The following WAC variants were observed in gnomAD, a reference collection of about 807,000 sequenced individuals.
The protein encoded by WAC is WW domain-containing adapter protein with coiled-coil.
In WAC, 11 loss-of-function variants were observed where a neutral mutation model predicts 79.6. The observed-to-expected ratio is 0.14, with a 90% CI of 0.09 to 0.23. The LOEUF is 0.23. WAC is among the 10% of genes least tolerant of loss of function. The pLI is 1.00. For missense variants in WAC, 728 were observed against 773.5 expected (o/e 0.94, Z 0.70); for synonymous variants, 304 against 276.9 (o/e 1.10, Z -0.97).
rs332181 is a variant in WAC at position 28,621,187 on chromosome 10, C to G, written c.*1581C>G. The G allele has an allele frequency of 7.0e-6, 1 of 142,400 alleles. No homozygotes were observed. The highest frequency in any genetic ancestry group is 1.5e-5 in the Non-Finnish European group (1 of 66,566). The allele number at this position is 142,400 out of a possible 1,614,324, so 8.8% of individuals were successfully genotyped here. A position where few individuals can be genotyped will look rare whatever the true frequency, so the allele number is the denominator to read the frequency against. On this transcript the variant is annotated 3_prime_UTR_variant, in exon 14 of 14. Transcript: ENST00000354911. The stretch of plus-strand genomic sequence containing the variant: ...GTTTCTTCTTCTTCTTCTTTTTTTT[C>G]TTTAAATTGGTTTAGGGTTTTTTGG...
rs1384802738 is a variant in WAC at position 28,534,268 on chromosome 10, G to C, written c.78+234G>C. On this transcript the variant is annotated intron_variant, in intron 2 of 13. Transcript: ENST00000354911. ...GGGAGTTCGCTGATTTAGGAAAAAA[G>C]AATCATTTGCAGCCAGAAAGACCTG... 5 of 439,766 alleles carry C rather than the reference G, an allele frequency of 1.1e-5. No individual in the cohort carries two copies. The South Asian group carries it at 2.7e-4, about 24-fold the overall frequency. The allele number at this position is 439,766 out of a possible 1,614,324, so 27.2% of individuals were successfully genotyped here.
Position 28,533,889 on chromosome 10 carries a change from G to C in WAC, c.42-109G>C, listed in dbSNP as rs1056751878. The C allele has an allele frequency of 3.3e-5, 45 of 1,373,234 alleles. No homozygotes were observed. The African/African-American group carries it at 6.2e-4, about 19-fold the overall frequency. The allele number at this position is 1,373,234 out of a possible 1,614,324, so 85.1% of individuals were successfully genotyped here. A position where few individuals can be genotyped will look rare whatever the true frequency, so the allele number is the denominator to read the frequency against. On this transcript the variant is annotated intron_variant, in intron 1 of 13. Coordinates refer to ENST00000354911, the MANE Select transcript of WAC (RefSeq NM_016628.5). ...TGCGTGCGGGGCTCGGCGCTGGGGC[G>C]CTCGGTAGGTCTCCCGCGGGGAGGG...
In WAC at chr10:28,620,278, A is replaced by T. The variant is rs539843539; in HGVS notation, c.*672A>T. 4 of 152,624 alleles carry T rather than the reference A, an allele frequency of 2.6e-5. No homozygotes were observed. The East Asian group carries it at 7.7e-4, about 29-fold the overall frequency. The allele number at this position is 152,624 out of a possible 1,614,324, so 9.5% of individuals were successfully genotyped here. ...ACTGTTGCTATGGCACTTTTCTATA[A>T]CCTTTTCATTCCTGTGTACAGTAGC... On this transcript the variant is annotated 3_prime_UTR_variant, in exon 14 of 14. Coordinates refer to ENST00000354911, the MANE Select transcript of WAC (RefSeq NM_016628.5).
intron 9 of WAC, chr10:28,611,394 C>T (rs1217537261): frequency 7.7e-7 from 1 of 1,302,134 alleles, no homozygotes; most frequent in East Asian, 5.4e-5. Flanking sequence ...TGCAAAGACT[C>T]TTGCAACCCT....
rs1836620878 is a variant in WAC, at chr10:28,535,764, ATCTT to A, written c.274+12_274+15del. 4 of 1,593,302 alleles carry A rather than the reference ATCTT, an allele frequency of 2.5e-6. No individual in the cohort carries two copies. The highest frequency in any genetic ancestry group is 4.5e-5 in the East Asian group (2 of 44,058). On this transcript the variant is annotated splice_region_variant and intron_variant, in intron 3 of 13. Coordinates refer to ENST00000354911, the MANE Select transcript of WAC (RefSeq NM_016628.5). The stretch of plus-strand genomic sequence containing the variant: ...GTTAGAGAGAGGGATGGTGGTGAGT[ATCTT>A]TCTTGTTGAAACTTTGACATACAGT...
chr10:28,545,672 T>G (rs1176812762), intron 3 of WAC, among the ~76,000 whole-genome samples: 2 of 152,180 alleles, frequency 1.3e-5, no homozygotes, highest in Non-Finnish European at 2.9e-5. Flanking sequence ...TGTTCTTGTT[T>G]TAAAGAATTC....
At chr10:28,570,483 T>C (rs538455952) in intron 3 of WAC, among the ~76,000 whole-genome samples, 1 of 152,232 alleles carries the variant, frequency 6.6e-6, no homozygotes, top group African/African-American at 2.4e-5. Flanking sequence ...CCAGAGGGTC[T>C]AAGAACAGAC....
intron 8 of WAC, among the ~76,000 whole-genome samples, chr10:28,608,882 A>G (rs1386629757): frequency 1.3e-5 from 2 of 152,224 alleles, no homozygotes; most frequent in Non-Finnish European, 2.9e-5. Flanking sequence ...AATACTTTCA[A>G]AAAATTCTGA....
intron 10 of WAC, among the ~76,000 whole-genome samples, chr10:28,614,348 C>T (rs1213202724): frequency 6.6e-6 from 1 of 152,214 alleles, no homozygotes; most frequent in Non-Finnish European, 1.5e-5. Flanking sequence ...CCGCCTCGGC[C>T]TCCCAAAGTG....
chr10:28,598,757 C>T (rs1326180890), intron 7 of WAC, among the ~76,000 whole-genome samples: 2 of 152,156 alleles, frequency 1.3e-5, no homozygotes, highest in African/African-American at 2.4e-5. Context: ...TATGTCAGTT[C>T]GGACGCTCGT....
chr10:28,566,563 C>T (rs1229808206), intron 3 of WAC, among the ~76,000 whole-genome samples: 2 of 152,134 alleles, frequency 1.3e-5, no homozygotes, highest in Non-Finnish European at 2.9e-5. Flanking sequence ...CTGTAGTTTC[C>T]TCTCCCCCAG....
At position 28,534,042 on chromosome 10, in the gene WAC, C is replaced by G; in HGVS notation, c.78+8C>G. ...GACTCGCAGCCTTACCAGGTACCAGCCGAGGCCGGGGTGGAGGGATTGGAA... is the reference window on the plus strand; with the variant it reads ...GACTCGCAGCCTTACCAGGTACCAGGCGAGGCCGGGGTGGAGGGATTGGAA... On this transcript the variant is annotated splice_region_variant and intron_variant, in intron 2 of 13. Transcript: ENST00000354911. 6.3e-7 allele frequency: 1 copy of G among 1,578,504 alleles called. No homozygotes were observed. The highest frequency in any genetic ancestry group is 8.6e-7 in the Non-Finnish European group (1 of 1,164,366).
At chr10:28,541,534 AGTTATTTG>A (rs1297189054) in intron 3 of WAC, among the ~76,000 whole-genome samples, 1 of 147,836 alleles carries the variant, frequency 6.8e-6, no homozygotes, top group Non-Finnish European at 1.5e-5. Flanking sequence ...TGGCAAAATC[AGTTATTTG>A]GTTATTTGGG....
intron 4 of WAC, among the ~76,000 whole-genome samples, chr10:28,584,176 G>T (rs1049302406): frequency 3.3e-5 from 5 of 152,192 alleles, no homozygotes; most frequent in Admixed American, 6.5e-5. Context: ...AATAGTGCCT[G>T]TTAAAGTTGC....
intron 4 of WAC, 84 bp downstream of exon 4, chr10:28,583,589 G>C: frequency 1.1e-6 from 1 of 915,862 alleles, no homozygotes. Context: ...GGCAAGTCTT[G>C]TAAAATCTAA....
At chr10:28,572,337 CAAA>C (rs535940157) in intron 3 of WAC, among the ~76,000 whole-genome samples, 3 of 86,838 alleles carry the variant, frequency 3.5e-5, no homozygotes, top group African/African-American at 4.4e-5. Flanking sequence ...ACTCTGTCTC[CAAA>C]AAAAAAAAAA....
intron 7 of WAC, among the ~76,000 whole-genome samples, chr10:28,601,928 T>G (rs1166351465): frequency 6.6e-6 from 1 of 152,040 alleles, no homozygotes; most frequent in African/African-American, 2.4e-5. Context: ...AAGTTTCTGT[T>G]TGGGAAGATG....
chr10:28,611,453 T>TG (rs1841233791), intron 9 of WAC: 2 of 1,328,090 alleles, frequency 1.5e-6, no homozygotes, highest in Non-Finnish European at 2.0e-6. Context: ...TGGGCCTAAA[T>TG]GTAGAATAAG....
intron 12 of WAC, 141 bp from the exon 13 acceptor site, chr10:28,617,516 A>C: frequency 3.5e-5 from 22 of 632,188 alleles, no homozygotes; most frequent in Non-Finnish European, 4.6e-5. Flanking sequence ...TTTCCCCATT[A>C]GGTTCACCAG....
Sources: allele counts gnomAD v4.1 joint callset (sites outside exome capture counted in the v4.1 genomes callset), GRCh38; gene constraint gnomAD v4.1.1; transcripts MANE v1.5; gene names NCBI Gene and HGNC (gene_info 2026-07-23, HGNC 2026-07-21).